The following MYO9A variants were observed in gnomAD, a reference collection of about 807,000 sequenced individuals.
MYO9A encodes the protein myosin IXA.
A neutral mutation model predicts 293.3 loss-of-function variants in MYO9A; 103 were observed. The observed-to-expected ratio is 0.35, with a 90% CI of 0.30 to 0.41. MYO9A has a LOEUF of 0.41. Ranked by LOEUF, MYO9A falls within the 10% of genes least tolerant of loss-of-function variation. The probability of loss-of-function intolerance (pLI) is 1.00; values close to 1 mark genes in which losing one functional copy is unlikely to be tolerated. For missense variants in MYO9A, 2,685 were observed against 3,033.0 expected (o/e 0.89, Z 2.69); for synonymous variants, 1,001 against 1,035.7 (o/e 0.97, Z 0.64).
intron 2 of MYO9A, among the ~76,000 whole-genome samples, chr15:72,040,596 A>G (rs1403207226): frequency 5.9e-5 from 9 of 152,176 alleles, no homozygotes; most frequent in South Asian, 2.1e-4. Context: ...ACAAGAACCC[A>G]GTATTTTCCG....
intron 5 of MYO9A, among the ~76,000 whole-genome samples, chr15:72,019,650 A>ATTAT (rs2077443220): frequency 6.6e-6 from 1 of 152,220 alleles, no homozygotes; most frequent in Non-Finnish European, 1.5e-5. Context: ...ATATTAATAC[A>ATTAT]AAGTCATTAG....
intron 2 of MYO9A, among the ~76,000 whole-genome samples, chr15:72,043,125 G>A (rs964514812): frequency 4.6e-5 from 7 of 151,966 alleles, no homozygotes; most frequent in Non-Finnish European, 1.0e-4. Context: ...TAGCCAGGTT[G>A]CAGAAGATAA....
intron 12 of MYO9A, 118 bp downstream of exon 12, chr15:71,978,053 A>C: frequency 8.4e-7 from 1 of 1,185,904 alleles, no homozygotes; most frequent in Non-Finnish European, 1.2e-6. Flanking sequence ...AAATAAAAAA[A>C]TAAATTGTAC....
chr15:71,928,037 T>C (rs1239409518), intron 18 of MYO9A, among the ~76,000 whole-genome samples: 28 of 9,348 alleles, frequency 3.0e-3, no homozygotes, highest in African/African-American at 5.6e-3. Context: ...AATATATATA[T>C]ATATATATAT....
In MYO9A at chr15:71,960,087, C is replaced by T; in HGVS notation, c.1996G>A (p.Glu666Lys). The T allele has an allele frequency of 6.2e-7, 1 of 1,613,352 alleles. No homozygotes were observed. Among genetic ancestry groups the T allele is most frequent in the Non-Finnish European group, 8.5e-7 (1 of 1,179,762 alleles). Residue 666 changes from glutamate to lysine, a missense_variant, in exon 14 of 42, where the codon GAA (glutamate) becomes AAA (lysine). By Grantham distance (56) the Glu-to-Lys change is moderately conservative. Around this residue, in one of 10 missense-constraint regions of MYO9A, gnomAD observed 201 missense variants for 245.2 expected, o/e 0.82. Transcript: ENST00000356056. ...GGGCGCATATGATCTGTATTTTTTT[C>T]CCGGAAATCCTATATGAAAAAAGTA... The part of the protein sequence containing the change: ...KVKYGVKDFR[E>K]KNTDHMRPDI...
chr15:72,081,116 T>C (rs1009357177), intron 1 of MYO9A, among the ~76,000 whole-genome samples: 5 of 152,188 alleles, frequency 3.3e-5, no homozygotes, highest in Non-Finnish European at 7.4e-5. Flanking sequence ...ATGGTAGTTC[T>C]TTTTAGGTCA....
At chr15:72,072,329 C>T (rs1474847858) in intron 1 of MYO9A, among the ~76,000 whole-genome samples, 2 of 152,074 alleles carry the variant, frequency 1.3e-5, no homozygotes. Flanking sequence ...GACGGGGTTT[C>T]ACCGTGTTAG....
chr15:72,066,772 A>G (rs576663101), intron 1 of MYO9A, among the ~76,000 whole-genome samples: 15 of 151,826 alleles, frequency 9.9e-5, no homozygotes, highest in African/African-American at 3.6e-4. Flanking sequence ...ACTTTATTGT[A>G]TGTTACATGG....
chr15:71,827,545 AACTC>A (rs1306301949), intron 41 of MYO9A, among the ~76,000 whole-genome samples: 4 of 152,146 alleles, frequency 2.6e-5, no homozygotes, highest in South Asian at 2.1e-4. Context: ...AAAAACAAAA[AACTC>A]AATCACGTTG....
At chr15:71,856,390 A>T (rs28676909) in intron 34 of MYO9A, among the ~76,000 whole-genome samples, 6 of 152,026 alleles carry the variant, frequency 3.9e-5, no homozygotes, top group Non-Finnish European at 7.4e-5. Context: ...ACTATTATGG[A>T]AACACAGAAG....
At chr15:71,827,398 TG>T (rs3841610) in intron 41 of MYO9A, among the ~76,000 whole-genome samples, 44,300 of 151,920 alleles carry the variant, frequency 0.29, 7,096 homozygotes, top group African/African-American at 0.41. Context: ...CACCTCACAG[TG>T]GGGGCACAAT....
chr15:71,956,860 A>ATATATATAT (rs2059213708), intron 14 of MYO9A, among the ~76,000 whole-genome samples: 3 of 140,346 alleles, frequency 2.1e-5, no homozygotes, highest in South Asian at 2.3e-4. Flanking sequence ...CACACACACA[A>ATATATATAT]ATATATATAT....
In MYO9A at chr15:72,027,931, C is replaced by T. The variant is rs1157147139; in HGVS notation, c.936-138G>A. The T allele has an allele frequency of 6.5e-6, 4 of 616,096 alleles. No homozygotes were observed. The Middle Eastern group carries it at 1.4e-3, about 214-fold the overall frequency. 38.2% of individuals were successfully genotyped at this position (616,096 alleles called of 1,614,324 possible). A position where few individuals can be genotyped will look rare whatever the true frequency, so the allele number is the denominator to read the frequency against. On this transcript the variant is annotated intron_variant, in intron 3 of 41. Coordinates refer to ENST00000356056, the MANE Select transcript of MYO9A (RefSeq NM_006901.4). The stretch of plus-strand genomic sequence containing the variant: ...ATGCGCCATTGGCCGGGCGAGGTGG[C>T]TCACACCTGTAATCTCAGCACTTTG...
chr15:72,032,622 A>G (rs768173697), intron 2 of MYO9A, 34 bp from the exon 3 acceptor site: 5 of 775,846 alleles, frequency 6.4e-6, no homozygotes, highest in Admixed American at 3.5e-5. Context: ...TAGTTTCACT[A>G]AAAAAAAAAA....
At chr15:72,010,480 G>A (rs2077140448) in intron 6 of MYO9A, 33 bp from the exon 7 acceptor site, 1 of 1,548,088 alleles carries the variant, frequency 6.5e-7, no homozygotes, top group Non-Finnish European at 8.9e-7. Flanking sequence ...TAAAAATCAA[G>A]ATTATATATT....
At chr15:72,015,573 A>C (rs990171966) in intron 6 of MYO9A, among the ~76,000 whole-genome samples, 1 of 152,178 alleles carries the variant, frequency 6.6e-6, no homozygotes, top group Admixed American at 6.5e-5. Flanking sequence ...ACTTATGGCA[A>C]TGACCATTAA....
intron 13 of MYO9A, among the ~76,000 whole-genome samples, chr15:71,963,516 T>C (rs879536537): frequency 6.6e-6 from 1 of 152,038 alleles, no homozygotes; most frequent in Non-Finnish European, 1.5e-5. Context: ...TGGCTTGATC[T>C]TGGCTCACCG....
chr15:71,830,085 C>CT (rs745665507), intron 40 of MYO9A, 24 bp downstream of exon 40: 1 of 1,607,434 alleles, frequency 6.2e-7, no homozygotes, highest in South Asian at 1.1e-5. Flanking sequence ...ATAACTGTCT[C>CT]TCCCCTTCCT....
chr15:71,907,985 T>C (rs865991353), intron 19 of MYO9A, among the ~76,000 whole-genome samples: 20 of 152,198 alleles, frequency 1.3e-4, no homozygotes, highest in African/African-American at 4.1e-4. Flanking sequence ...TTTGTTGCCA[T>C]TGCTTTTGGT....
Sources: allele counts gnomAD v4.1 joint callset (sites outside exome capture counted in the v4.1 genomes callset), GRCh38; gene constraint gnomAD v4.1.1; regional missense constraint gnomAD v4.1.1; transcripts MANE v1.5; gene names NCBI Gene and HGNC (gene_info 2026-07-23, HGNC 2026-07-21).